TRIM56: variants seen among roughly 807,000 people sequenced by gnomAD.
The protein encoded by TRIM56 is tripartite motif containing 56.
Under a neutral mutation model 17.1 loss-of-function variants are expected in TRIM56, and 10 were observed. The observed-to-expected ratio is 0.58, with a 90% CI of 0.36 to 0.99. The LOEUF (loss-of-function observed/expected upper bound fraction) is 0.99, where lower values mean the gene tolerates loss of function less well. Ranked by LOEUF, TRIM56 falls within the 50% of genes least tolerant of loss-of-function variation. The pLI is 0.01. For synonymous variants in TRIM56, 503 were observed against 473.5 expected (o/e 1.06, Z -0.81); for missense variants, 923 against 1,052.3 (o/e 0.88, Z 1.70).
At position 101,088,769 on chromosome 7, in the gene TRIM56, GCCT is replaced by G. The variant is rs1322649652; in HGVS notation, c.1463_1465del (p.Leu488del). The G allele has an allele frequency of 1.9e-6, 3 of 1,613,842 alleles. No homozygotes were observed. The highest frequency in any genetic ancestry group is 2.5e-6 in the Non-Finnish European group (3 of 1,180,042). Reference sequence around the variant, plus strand: ...CTGGGGCCGAATCTGGACGGCTCTGGCCTCCTCCCCAGACCCATCTTTTACTGC... The same window carrying G: ...CTGGGGCCGAATCTGGACGGCTCTGGCCTCCCCAGACCCATCTTTTACTGC... On this transcript the variant is annotated inframe_deletion, in exon 3 of 3. Coordinates refer to ENST00000306085, the MANE Select transcript of TRIM56 (RefSeq NM_030961.3).
In TRIM56 at chr7:101,093,622, G is replaced by T. The variant is rs1795614842; in HGVS notation, c.*4042G>T. ...AGGTGGGTGGATCACCTGAGGTCAG[G>T]AGTTTGAGACCAGCCTGGCCACTAC... On this transcript the variant is annotated 3_prime_UTR_variant, in exon 3 of 3. Transcript: ENST00000306085. 2 of 152,008 alleles carry T rather than the reference G, an allele frequency of 1.3e-5. No individual in the cohort carries two copies. Among genetic ancestry groups the T allele is most frequent in the South Asian group, 4.1e-4 (2 of 4,820 alleles). The allele number at this position is 152,008 out of a possible 1,614,324, so 9.4% of individuals were successfully genotyped here.
Position 101,088,333 on chromosome 7 carries a change from G to A in TRIM56, c.1021G>A (p.Ala341Thr). 6.5e-7 allele frequency: 1 copy of A among 1,529,810 alleles called. No homozygotes were observed. The highest frequency in any genetic ancestry group is 1.4e-5 in the African/African-American group (1 of 72,288). 94.8% of individuals were successfully genotyped at this position (1,529,810 alleles called of 1,614,324 possible). ...CAGGCAGCTGCAGGGCTGCCCCTGG[G>A]CACCAGGCCCGGCCCCCTGCCTGCT... ...RLRQLQGCPWAPGPAPCLLPQ... is the reference protein window; with the variant it reads ...RLRQLQGCPWTPGPAPCLLPQ... Residue 341 changes from alanine to threonine, a missense_variant, in exon 3 of 3, where the codon GCA becomes ACA. By Grantham distance (58) the Ala-to-Thr change is moderately conservative. This residue lies in a region of TRIM56 where 643 missense variants were observed against 665.6 expected (regional missense o/e 0.97). Coordinates refer to ENST00000306085, the MANE Select transcript of TRIM56 (RefSeq NM_030961.3).
rs1350361196 is a variant in TRIM56, at chr7:101,088,762, G to A, written c.1450G>A (p.Gly484Ser). The A allele has an allele frequency of 7.4e-6, 12 of 1,613,930 alleles. No individual in the cohort carries two copies. Among genetic ancestry groups the A allele is most frequent in the African/African-American group, 2.7e-5 (2 of 75,042 alleles). ...PSPALGPNLD[G>S]SGLLPRPIFY... is the part of the protein sequence containing the mutation. ...CCCAGCCCTGGGGCCGAATCTGGAC[G>A]GCTCTGGCCTCCTCCCCAGACCCAT... The change falls in exon 3 of 3, where the codon GGC becomes AGC. Residue 484 changes from glycine to serine, a missense_variant. Transcript: ENST00000306085.
rs1011532677 is a variant in TRIM56 at position 101,094,546 on chromosome 7, T to C, written c.*4966T>C. On this transcript the variant is annotated 3_prime_UTR_variant, in exon 3 of 3. Coordinates refer to ENST00000306085, the MANE Select transcript of TRIM56 (RefSeq NM_030961.3). ...ATGAAGGTGTCAGAACGAATGAGATTGTCCTATGAAAGAAGAGGCAGGAGC... is the reference window on the plus strand; with the variant it reads ...ATGAAGGTGTCAGAACGAATGAGATCGTCCTATGAAAGAAGAGGCAGGAGC... 3.3e-5 allele frequency: 5 copies of C among 152,122 alleles called. No individual in the cohort carries two copies. The highest frequency in any genetic ancestry group is 4.4e-5 in the Non-Finnish European group (3 of 68,024). 9.4% of individuals were successfully genotyped at this position (152,122 alleles called of 1,614,324 possible).
At position 101,088,611 on chromosome 7, in the gene TRIM56, G is replaced by C; in HGVS notation, c.1299G>C (p.Gln433His). ...AGACAACCCGAGAAGAGGGAGCCCA[G>C]ACCTTGGAGGAGGACAGGGCCCAGA... ...KAQTTREEGA[Q>H]TLEEDRAQTP... Residue 433 changes from glutamine to histidine, a missense_variant, in exon 3 of 3, where the codon CAG becomes CAC. Around this residue, in one of 3 missense-constraint regions of TRIM56, gnomAD observed 643 missense variants for 665.6 expected, o/e 0.97. Transcript: ENST00000306085. 6.2e-7 allele frequency: 1 copy of C among 1,613,286 alleles called. No homozygotes were observed. The highest frequency in any genetic ancestry group is 8.5e-7 in the Non-Finnish European group (1 of 1,179,354).
In TRIM56 at chr7:101,097,198, T is replaced by A. The variant is rs529455217; in HGVS notation, c.*7618T>A. On this transcript the variant is annotated 3_prime_UTR_variant, in exon 3 of 3. Coordinates refer to ENST00000306085, the MANE Select transcript of TRIM56 (RefSeq NM_030961.3). ...GTTGCTGACCTGAGCTGGGCAGGGTTGAACAGGCGAGTGCCAAGATCAAGG... is the reference window on the plus strand; with the variant it reads ...GTTGCTGACCTGAGCTGGGCAGGGTAGAACAGGCGAGTGCCAAGATCAAGG... 1 of 152,244 alleles carries A rather than the reference T, an allele frequency of 6.6e-6. No homozygotes were observed. Among genetic ancestry groups the A allele is most frequent in the Non-Finnish European group, 1.5e-5 (1 of 68,040 alleles). The allele number at this position is 152,244 out of a possible 1,614,324, so 9.4% of individuals were successfully genotyped here. A position where few individuals can be genotyped will look rare whatever the true frequency, so the allele number is the denominator to read the frequency against.
rs1408014734 is a variant in TRIM56 at position 101,091,324 on chromosome 7, C to T, written c.*1744C>T. ...AAAAGAAAATCCCTTTCTGGGAAAACCATTTCTTGTTTATTGAAACAATGC... is the reference window on the plus strand; with the variant it reads ...AAAAGAAAATCCCTTTCTGGGAAAATCATTTCTTGTTTATTGAAACAATGC... On this transcript the variant is annotated 3_prime_UTR_variant, in exon 3 of 3. Transcript: ENST00000306085. 1 of 159,538 alleles carries T rather than the reference C, an allele frequency of 6.3e-6. No individual in the cohort carries two copies. The highest frequency in any genetic ancestry group is 1.4e-5 in the Non-Finnish European group (1 of 72,350). 9.9% of individuals were successfully genotyped at this position (159,538 alleles called of 1,614,324 possible). A position where few individuals can be genotyped will look rare whatever the true frequency, so the allele number is the denominator to read the frequency against.
At position 101,087,844 on chromosome 7, in the gene TRIM56, C is replaced by T. The variant is rs763188999; in HGVS notation, c.532C>T (p.Arg178Cys). 20 of 1,603,826 alleles carry T rather than the reference C, an allele frequency of 1.2e-5. No individual in the cohort carries two copies. Among genetic ancestry groups the T allele is most frequent in the Admixed American group, 3.4e-5 (2 of 59,628 alleles). ...QCPQHPGEAL[R>C]FLCQPCSQLL... ...TCCCCAGCACCCCGGGGAGGCACTG[C>T]GCTTCCTGTGCCAGCCCTGCTCACA... Residue 178 changes from arginine (R) to cysteine (C), a missense_variant, in exon 3 of 3, where the codon CGC becomes TGC. By Grantham distance (180) the Arg-to-Cys change is radical (BLOSUM62 -3). This residue lies in a region of TRIM56 where 643 missense variants were observed against 665.6 expected (regional missense o/e 0.97). Transcript: ENST00000306085.
rs986101932 is a variant in TRIM56 at position 101,088,175 on chromosome 7, C to T, written c.863C>T (p.Ala288Val). 2 of 1,498,424 alleles carry T rather than the reference C, an allele frequency of 1.3e-6. No homozygotes were observed. Among genetic ancestry groups the T allele is most frequent in the Non-Finnish European group, 8.9e-7 (1 of 1,125,914 alleles). 92.8% of individuals were successfully genotyped at this position (1,498,424 alleles called of 1,614,324 possible). Residue 288 changes from alanine to valine, a missense_variant, in exon 3 of 3, where the codon GCT becomes GTT. Ala to Val is a moderately conservative substitution (Grantham distance 64, BLOSUM62 0). This residue lies in a region of TRIM56 where 643 missense variants were observed against 665.6 expected (regional missense o/e 0.97). Transcript: ENST00000306085. ...RAHVEAAEEA[A>V]RERLAELEGR... ...CACGTGGAGGCTGCCGAAGAAGCTG[C>T]TCGGGAGAGGCTGGCGGAGCTTGAG...
In TRIM56 at chr7:101,088,909, C is replaced by A. The variant is rs200946863; in HGVS notation, c.1597C>A (p.Arg533Ser). ...VADEQNRALK[R>S]FSLNGDYKGT... Reference sequence around the variant, plus strand: ...GGATGAGCAGAACCGGGCACTGAAACGCTTCTCCCTCAACGGCGACTACAA... The same window carrying A: ...GGATGAGCAGAACCGGGCACTGAAAAGCTTCTCCCTCAACGGCGACTACAA... Residue 533 changes from arginine to serine, a missense_variant, in exon 3 of 3, where the codon CGC (arginine) becomes AGC (serine). Physicochemically the swap from Arg to Ser is moderately radical, Grantham distance 110. Coordinates refer to ENST00000306085, the MANE Select transcript of TRIM56 (RefSeq NM_030961.3). 1.9e-6 allele frequency: 3 copies of A among 1,613,802 alleles called. No homozygotes were observed. The highest frequency in any genetic ancestry group is 2.7e-5 in the African/African-American group (2 of 74,952).
In TRIM56 at chr7:101,088,346, C is replaced by A; in HGVS notation, c.1034C>A (p.Ala345Asp). 2 of 1,540,676 alleles carry A rather than the reference C, an allele frequency of 1.3e-6. No individual in the cohort carries two copies. The highest frequency in any genetic ancestry group is 8.7e-7 in the Non-Finnish European group (1 of 1,147,050). Residue 345 changes from alanine (A) to aspartate (D), a missense_variant, in exon 3 of 3, where the codon GCC (alanine) becomes GAC (aspartate). Around this residue, in one of 3 missense-constraint regions of TRIM56, gnomAD observed 643 missense variants for 665.6 expected, o/e 0.97. Coordinates refer to ENST00000306085, the MANE Select transcript of TRIM56 (RefSeq NM_030961.3). ...LQGCPWAPGP[A>D]PCLLPQLELH... The stretch of plus-strand genomic sequence containing the variant: ...GGCTGCCCCTGGGCACCAGGCCCGG[C>A]CCCCTGCCTGCTCCCACAGCTGGAG...
chr7:101,089,654 G>A lies in TRIM56; in HGVS notation c.*74G>A. ...GGAGGCAGAGCTGTCCGTGGGAGGTGGAGGCCGAGGACATTTTCCTGAAGG... is the reference window on the plus strand; with the variant it reads ...GGAGGCAGAGCTGTCCGTGGGAGGTAGAGGCCGAGGACATTTTCCTGAAGG... On this transcript the variant is annotated 3_prime_UTR_variant, in exon 3 of 3. Coordinates refer to ENST00000306085, the MANE Select transcript of TRIM56 (RefSeq NM_030961.3). The A allele has an allele frequency of 2.1e-6, 3 of 1,400,414 alleles. No homozygotes were observed. The South Asian group carries it at 4.2e-5, about 20-fold the overall frequency. The allele number at this position is 1,400,414 out of a possible 1,614,324, so 86.7% of individuals were successfully genotyped here. A position where few individuals can be genotyped will look rare whatever the true frequency, so the allele number is the denominator to read the frequency against.
chr7:101,093,258 G>A lies in TRIM56; in HGVS notation c.*3678G>A, dbSNP rs1333264892. 1 of 159,460 alleles carries A rather than the reference G, an allele frequency of 6.3e-6. No individual in the cohort carries two copies. Among genetic ancestry groups the A allele is most frequent in the East Asian group, 1.8e-4 (1 of 5,446 alleles). 9.9% of individuals were successfully genotyped at this position (159,460 alleles called of 1,614,324 possible). A position where few individuals can be genotyped will look rare whatever the true frequency, so the allele number is the denominator to read the frequency against. ...GAGACCTTTGTTCACTTGTTTATCT[G>A]CTGACCTTCCCTCCACTATTGTCCT... On this transcript the variant is annotated 3_prime_UTR_variant, in exon 3 of 3. Transcript: ENST00000306085.
rs1795641418 is a variant in TRIM56, at chr7:101,095,453, T to G, written c.*5873T>G. 6.6e-6 allele frequency: 1 copy of G among 152,226 alleles called. No homozygotes were observed. The highest frequency in any genetic ancestry group is 6.6e-5 in the Admixed American group (1 of 15,260). The allele number at this position is 152,226 out of a possible 1,614,324, so 9.4% of individuals were successfully genotyped here. ...ATGTGGAGGGGGTAACTGGGAACCG[T>G]GTACTGTAGGGGATCGCACACCTTG... is the stretch of plus-strand genomic sequence containing the variant. On this transcript the variant is annotated 3_prime_UTR_variant, in exon 3 of 3. Transcript: ENST00000306085.
chr7:101,091,256 T>C lies in TRIM56; in HGVS notation c.*1676T>C, dbSNP rs1795559918. 6.5e-6 allele frequency: 1 copy of C among 153,302 alleles called. No homozygotes were observed. Among genetic ancestry groups the C allele is most frequent in the Non-Finnish European group, 1.5e-5 (1 of 68,838 alleles). The allele number at this position is 153,302 out of a possible 1,614,324, so 9.5% of individuals were successfully genotyped here. A position where few individuals can be genotyped will look rare whatever the true frequency, so the allele number is the denominator to read the frequency against. ...GGGCATTCGTGGGAACCAGAGGGAT[T>C]TTGGACAAGTCCAGATGGAATGTGC... On this transcript the variant is annotated 3_prime_UTR_variant, in exon 3 of 3. Transcript: ENST00000306085.
Position 101,089,530 on chromosome 7 carries a change from C to T in TRIM56, c.2218C>T (p.Leu740Phe), listed in dbSNP as rs368313354. The T allele has an allele frequency of 3.7e-6, 6 of 1,614,180 alleles. No homozygotes were observed. The South Asian group carries it at 4.4e-5, about 12-fold the overall frequency. ...MVDGRYLVVS[L>F]SNGTIHIFRV... ...GGATGGCAGGTACCTGGTCGTGTCC[C>T]TCAGTAACGGGACCATCCACATCTT... is the stretch of plus-strand genomic sequence containing the variant. Residue 740 changes from leucine to phenylalanine, a missense_variant, in exon 3 of 3, where the codon CTC (leucine) becomes TTC (phenylalanine). Physicochemically the swap from Leu to Phe is conservative, Grantham distance 22. Transcript: ENST00000306085.
intron 1 of TRIM56, among the ~76,000 whole-genome samples, chr7:101,086,450 A>G (rs1473737765): frequency 2.0e-5 from 3 of 151,360 alleles, no homozygotes; most frequent in Non-Finnish European, 4.4e-5. Flanking sequence ...AATCACAGCT[A>G]CTCGGGAGGC....
chr7:101,087,986 A>G lies in TRIM56; in HGVS notation c.674A>G (p.Asn225Ser). The G allele has an allele frequency of 1.3e-6, 2 of 1,591,974 alleles. No individual in the cohort carries two copies. The highest frequency in any genetic ancestry group is 2.2e-5 in the South Asian group (2 of 89,528). ...GLEGLLAGVD[N>S]NLVELEAARR... ...GAGGGACTGCTGGCCGGTGTGGACA[A>G]TAACCTGGTGGAGCTGGAGGCAGCG... Residue 225 changes from asparagine (N) to serine (S), a missense_variant, in exon 3 of 3, where the codon AAT (asparagine) becomes AGT (serine). This residue lies in a region of TRIM56 where 643 missense variants were observed against 665.6 expected (regional missense o/e 0.97). Coordinates refer to ENST00000306085, the MANE Select transcript of TRIM56 (RefSeq NM_030961.3).
rs1464507982 is a variant in TRIM56, at chr7:101,088,620, G to A, written c.1308G>A (p.Glu436=). The part of the protein sequence containing the change: ...TTREEGAQTL[E]EDRAQTPHED... Reference sequence around the variant, plus strand: ...GAGAAGAGGGAGCCCAGACCTTGGAGGAGGACAGGGCCCAGACACCCCACG... The same window carrying A: ...GAGAAGAGGGAGCCCAGACCTTGGAAGAGGACAGGGCCCAGACACCCCACG... The change falls in exon 3 of 3, where the codon GAG becomes GAA. Residue 436 remains glutamate (E), a synonymous_variant. Transcript: ENST00000306085. 7 of 1,613,668 alleles carry A rather than the reference G, an allele frequency of 4.3e-6. No individual in the cohort carries two copies. Among genetic ancestry groups the A allele is most frequent in the Admixed American group, 1.7e-5 (1 of 59,992 alleles).
Sources: gnomAD v4.1 joint callset for allele counts (sites outside exome capture counted in the v4.1 genomes callset) on GRCh38, gnomAD v4.1.1 for gene constraint, gnomAD v4.1.1 regional missense constraint, MANE v1.5 for transcripts, NCBI Gene and HGNC (gene_info 2026-07-23, HGNC 2026-07-21) for gene names.